The following ASIC2 variants were observed in gnomAD, a reference collection of about 807,000 sequenced individuals.
ASIC2 encodes acid-sensing ion channel 2.
A neutral mutation model predicts 57.3 loss-of-function variants in ASIC2; 25 were observed. The ratio of observed to expected loss-of-function variants is 0.44; its 90% CI spans 0.32 to 0.61. ASIC2 has a LOEUF of 0.61. Ranked by LOEUF, ASIC2 falls within the 20% of genes least tolerant of loss-of-function variation. ASIC2 has a pLI of 0.06. For missense variants in ASIC2, 641 were observed against 738.1 expected (o/e 0.87, Z 1.52); for synonymous variants, 319 against 307.5 (o/e 1.04, Z -0.39).
chr17:33,717,349 C>A (rs1228169424), intron 1 of ASIC2, among the ~76,000 whole-genome samples: 1 of 152,136 alleles, frequency 6.6e-6, no homozygotes, highest in Non-Finnish European at 1.5e-5. Context: ...AGAGTGAGGG[C>A]CCTCTGTGGA....
chr17:33,163,705 C>T (rs979278447), intron 1 of ASIC2, among the ~76,000 whole-genome samples: 3 of 152,008 alleles, frequency 2.0e-5, no homozygotes, highest in Admixed American at 1.3e-4. Context: ...CACATCCTAG[C>T]GAGGTAGACA....
chr17:33,022,840 GTTA>G (rs1281909301), intron 6 of ASIC2, among the ~76,000 whole-genome samples: 1 of 152,214 alleles, frequency 6.6e-6, no homozygotes, highest in East Asian at 1.9e-4. Flanking sequence ...ACACTGTGGT[GTTA>G]TAAAGGAAAA....
intron 1 of ASIC2, among the ~76,000 whole-genome samples, chr17:34,148,683 G>A (rs1157812031): frequency 6.6e-6 from 1 of 152,154 alleles, no homozygotes; most frequent in Non-Finnish European, 1.5e-5. Context: ...GGTTGGGCCT[G>A]TCAGGATGTG....
At chr17:33,350,687 A>AAAGAAAGAAAG (rs1908129521) in intron 1 of ASIC2, among the ~76,000 whole-genome samples, 6 of 145,664 alleles carry the variant, frequency 4.1e-5, no homozygotes, top group African/African-American at 1.1e-4. Context: ...GTGAGAAAAA[A>AAAGAAAGAAAG]AAAGAAAGAA....
chr17:33,464,693 A>C (rs375365605), intron 1 of ASIC2, among the ~76,000 whole-genome samples: 46,229 of 121,668 alleles, frequency 0.38, 8,109 homozygotes, highest in Non-Finnish European at 0.41. Context: ...CTCTCTATAT[A>C]TATATATATA....
chr17:33,951,787 T>A (rs1011217680), intron 1 of ASIC2, among the ~76,000 whole-genome samples: 5 of 149,658 alleles, frequency 3.3e-5, no homozygotes, highest in African/African-American at 4.9e-5. Context: ...GGAGACAGGG[T>A]TTCATCATGT....
chr17:33,937,785 T>TTTTG (rs1014662579), intron 1 of ASIC2, among the ~76,000 whole-genome samples: 2 of 152,116 alleles, frequency 1.3e-5, no homozygotes, highest in African/African-American at 4.8e-5. Flanking sequence ...TCATTGAGAG[T>TTTTG]TTTGTTTGTT....
chr17:33,229,572 A>C (rs563484372), intron 1 of ASIC2, among the ~76,000 whole-genome samples: 1 of 152,280 alleles, frequency 6.6e-6, no homozygotes, highest in East Asian at 1.9e-4. Flanking sequence ...TTCCATGCAA[A>C]AGGGAGAGGG....
intron 1 of ASIC2, among the ~76,000 whole-genome samples, chr17:33,212,165 C>T (rs2142089107): frequency 6.6e-6 from 1 of 152,334 alleles, no homozygotes; most frequent in South Asian, 2.1e-4. Flanking sequence ...TATCCACGTC[C>T]TAATCCCTGA....
At chr17:33,690,362 C>A (rs577158391) in intron 1 of ASIC2, among the ~76,000 whole-genome samples, 1 of 152,302 alleles carries the variant, frequency 6.6e-6, no homozygotes, top group South Asian at 2.1e-4. Flanking sequence ...TTTTCACTGA[C>A]ATTTCTCAGC....
chr17:33,867,005 T>C (rs1234657670), intron 1 of ASIC2, among the ~76,000 whole-genome samples: 1 of 152,210 alleles, frequency 6.6e-6, no homozygotes, highest in Non-Finnish European at 1.5e-5. Flanking sequence ...AATGCAGATG[T>C]TCAGACACTA....
intron 1 of ASIC2, among the ~76,000 whole-genome samples, chr17:33,514,304 A>G (rs1914506329): frequency 6.6e-6 from 1 of 152,130 alleles, no homozygotes; most frequent in South Asian, 2.1e-4. Context: ...ATGAACTGAA[A>G]TGAAATGCAC....
At chr17:33,180,295 T>C (rs557030686) in intron 1 of ASIC2, among the ~76,000 whole-genome samples, 1 of 152,348 alleles carries the variant, frequency 6.6e-6, no homozygotes, top group African/African-American at 2.4e-5. Flanking sequence ...GCTATGTTGT[T>C]AGTGACCAGA....
In ASIC2 at chr17:33,725,482, T is replaced by TA. The variant is rs539680970; in HGVS notation, c.555+430495dup. 5.8e-4 allele frequency among the ~76,000 whole-genome samples: 89 copies of TA among 152,306 alleles called. No homozygotes were observed. In the South Asian group the frequency reaches 0.017, roughly 29 times the overall value. ...GCCTGATTGTCCGTCCCAGCTCTATTACTTGGTTAAGTATGGTCTTTCAGA... is the reference window on the plus strand; with the variant it reads ...GCCTGATTGTCCGTCCCAGCTCTATTAACTTGGTTAAGTATGGTCTTTCAGA... On this transcript the variant is annotated intron_variant, in intron 1 of 9. Coordinates refer to the ASIC2 transcript ENST00000359872.
At position 33,706,374 on chromosome 17, in the gene ASIC2, C is replaced by T. The variant is rs574300447; in HGVS notation, c.555+449604G>A. 4.6e-5 allele frequency among the ~76,000 whole-genome samples: 7 copies of T among 151,932 alleles called. No individual in the cohort carries two copies. In the East Asian group the frequency reaches 7.7e-4, roughly 17 times the overall value. ...AGCTGGGACTGCAGGTATGTGCCAC[C>T]ATGAATGGCTAATTTTTTTTTTTTA... On this transcript the variant is annotated intron_variant, in intron 1 of 9. Transcript: ENST00000359872.
intron 1 of ASIC2, among the ~76,000 whole-genome samples, chr17:33,357,479 G>A (rs1908431021): frequency 6.6e-6 from 1 of 152,134 alleles, no homozygotes; most frequent in Non-Finnish European, 1.5e-5. Flanking sequence ...GGGCAGTTGG[G>A]ACCACTATCT....
chr17:33,102,629 C>T (rs56396486), intron 2 of ASIC2, among the ~76,000 whole-genome samples: 16,805 of 152,096 alleles, frequency 0.11, 1,162 homozygotes, highest in Non-Finnish European at 0.16. Context: ...AGAATAGCTT[C>T]CTGGATGGAC....
intron 1 of ASIC2, among the ~76,000 whole-genome samples, chr17:33,779,255 A>AG (rs1456118920): frequency 6.6e-6 from 1 of 152,204 alleles, no homozygotes; most frequent in Non-Finnish European, 1.5e-5. Flanking sequence ...CTTAAAAAAA[A>AG]GATTAACTCT....
chr17:33,147,264 A>C (rs1241282582), intron 1 of ASIC2, among the ~76,000 whole-genome samples: 1 of 152,246 alleles, frequency 6.6e-6, no homozygotes, highest in Non-Finnish European at 1.5e-5. Flanking sequence ...ATAAGAGAAG[A>C]GAGAAACCAG....
Sources: allele counts gnomAD v4.1 joint callset (sites outside exome capture counted in the v4.1 genomes callset), GRCh38; gene constraint gnomAD v4.1.1; transcripts MANE v1.5; gene names NCBI Gene and HGNC (gene_info 2026-07-23, HGNC 2026-07-21).